The following DMWD variants were observed in gnomAD, a reference collection of about 807,000 sequenced individuals.
The protein encoded by DMWD is DM1 locus, WD repeat containing.
In DMWD, 19 loss-of-function variants were observed where a neutral mutation model predicts 45.8. That is an observed-to-expected ratio of 0.41 (90% CI 0.29 to 0.61). The LOEUF (loss-of-function observed/expected upper bound fraction) is 0.61, where lower values mean the gene tolerates loss of function less well. Ranked by LOEUF, DMWD falls within the 20% of genes least tolerant of loss-of-function variation. DMWD has a pLI of 0.25. For missense variants in DMWD, 802 were observed against 965.2 expected (o/e 0.83, Z 2.24); for synonymous variants, 515 against 440.5 (o/e 1.17, Z -2.12).
rs574601450 is a variant in DMWD at position 45,784,232 on chromosome 19, T to C, written c.*11A>G. 2 of 1,555,966 alleles carry C rather than the reference T, an allele frequency of 1.3e-6. No homozygotes were observed. The highest frequency in any genetic ancestry group is 2.3e-5 in the East Asian group (1 of 43,376). On this transcript the variant is annotated 3_prime_UTR_variant, in exon 5 of 5. Transcript: ENST00000270223. Reference sequence around the variant, plus strand: ...GGGGCATGGGGTTGGGGGGGCCCGATATCCATGGCTTCACACCACTGTGCC... The same window carrying C: ...GGGGCATGGGGTTGGGGGGGCCCGACATCCATGGCTTCACACCACTGTGCC...
In DMWD at chr19:45,785,843, C is replaced by A; in HGVS notation, c.1653G>T (p.Arg551=). ...CACTGCCACTGCCGCCACTGCCACCCCGGCTGATGTTGCCCAGGCTGTGGT... is the reference window on the plus strand; with the variant it reads ...CACTGCCACTGCCGCCACTGCCACCACGGCTGATGTTGCCCAGGCTGTGGT... ...KRYHSLGNIS[R]GGSGGSGSGG... The change falls in exon 3 of 5, where the codon CGG becomes CGT. Residue 551 remains arginine (R), a synonymous_variant. Transcript: ENST00000270223. 3.1e-6 allele frequency: 5 copies of A among 1,610,338 alleles called. No individual in the cohort carries two copies. The highest frequency in any genetic ancestry group is 4.2e-6 in the Non-Finnish European group (5 of 1,179,764).
chr19:45,788,983 C>G (rs1353760876), intron 2 of DMWD, among the ~76,000 whole-genome samples: 1 of 151,876 alleles, frequency 6.6e-6, no homozygotes, highest in Non-Finnish European at 1.5e-5. Context: ...CACCTGCCTC[C>G]TTCAGGTCTT....
chr19:45,785,501 G>A, intron 3 of DMWD, 93 bp downstream of exon 3: 2 of 1,416,360 alleles, frequency 1.4e-6, no homozygotes, highest in African/African-American at 1.5e-5. Flanking sequence ...GCCAGAGGCT[G>A]TGACAGCAAC....
chr19:45,784,339 C>T lies in DMWD; in HGVS notation c.1978-49G>A, dbSNP rs747789824. ...TGGGAGGGGTTAGAGACCACCTGGG[C>T]TTCAGCCAGTGTCAAGGGGAGGGAG... is the stretch of plus-strand genomic sequence containing the variant. On this transcript the variant is annotated intron_variant, in intron 4 of 4. Transcript: ENST00000270223. 5.6e-5 allele frequency: 83 copies of T among 1,489,094 alleles called. No individual in the cohort carries two copies. The Admixed American group carries it at 7.2e-4, about 13-fold the overall frequency. The allele number at this position is 1,489,094 out of a possible 1,614,324, so 92.2% of individuals were successfully genotyped here. A position where few individuals can be genotyped will look rare whatever the true frequency, so the allele number is the denominator to read the frequency against.
chr19:45,784,310 G>A lies in DMWD; in HGVS notation c.1978-20C>T. The A allele has an allele frequency of 2.0e-6, 3 of 1,506,446 alleles. No individual in the cohort carries two copies. Among genetic ancestry groups the A allele is most frequent in the Non-Finnish European group, 2.7e-6 (3 of 1,128,860 alleles). 93.3% of individuals were successfully genotyped at this position (1,506,446 alleles called of 1,614,324 possible). A position where few individuals can be genotyped will look rare whatever the true frequency, so the allele number is the denominator to read the frequency against. ...GATGCCCTGGGGAAGATGAGAGGGA[G>A]AGATGGGAGGGGTTAGAGACCACCT... On this transcript the variant is annotated intron_variant, in intron 4 of 4. Transcript: ENST00000270223.
intron 3 of DMWD, chr19:45,785,246 TTA>T (rs1970254627): frequency 9.4e-7 from 1 of 1,064,696 alleles, no homozygotes; most frequent in Admixed American, 5.3e-5. Context: ...GTTTCACGAT[TTA>T]AAAAACAGAT....
At chr19:45,789,476 A>T (rs1041043043) in intron 2 of DMWD, 2 of 152,240 alleles carry the variant, frequency 1.3e-5, no homozygotes, top group African/African-American at 2.4e-5. Flanking sequence ...GTATGATTCT[A>T]CAACAGCGGT....
intron 4 of DMWD, 45 bp downstream of exon 4, chr19:45,784,596 G>A: frequency 6.2e-7 from 1 of 1,613,774 alleles, no homozygotes. Flanking sequence ...TCTAACTTGG[G>A]AGGGACCCTG....
Position 45,785,500 on chromosome 19 carries a change from T to C in DMWD, c.1902+94A>G, listed in dbSNP as rs560498280. 8.5e-6 allele frequency: 12 copies of C among 1,416,324 alleles called. No homozygotes were observed. The Admixed American group carries it at 2.8e-4, about 33-fold the overall frequency. 87.7% of individuals were successfully genotyped at this position (1,416,324 alleles called of 1,614,324 possible). A position where few individuals can be genotyped will look rare whatever the true frequency, so the allele number is the denominator to read the frequency against. ...CCCCTCACCCCACGGAGCCAGAGGC[T>C]GTGACAGCAACAAAGCCCTCTCTCT... On this transcript the variant is annotated intron_variant, in intron 3 of 4. Transcript: ENST00000270223.
chr19:45,788,382 G>A (rs576529029), intron 2 of DMWD, among the ~76,000 whole-genome samples: 8 of 152,330 alleles, frequency 5.3e-5, no homozygotes, highest in South Asian at 2.1e-4. Context: ...CCATCCCTGG[G>A]AGAACTGAAC....
Position 45,783,498 on chromosome 19 carries a change from T to C in DMWD, c.*745A>G. 1 of 398,470 alleles carries C rather than the reference T, an allele frequency of 2.5e-6. No homozygotes were observed. Among genetic ancestry groups the C allele is most frequent in the Non-Finnish European group, 4.4e-6 (1 of 226,080 alleles). 24.7% of individuals were successfully genotyped at this position (398,470 alleles called of 1,614,324 possible). A position where few individuals can be genotyped will look rare whatever the true frequency, so the allele number is the denominator to read the frequency against. ...TGAGGGGCCCTGGCTGCGGGCAGGATGCTCTTCTCCCCAAGAGGGTCCTGC... is the reference window on the plus strand; with the variant it reads ...TGAGGGGCCCTGGCTGCGGGCAGGACGCTCTTCTCCCCAAGAGGGTCCTGC... On this transcript the variant is annotated 3_prime_UTR_variant, in exon 5 of 5. Transcript: ENST00000270223.
intron 2 of DMWD, chr19:45,787,099 G>A: frequency 1.4e-6 from 1 of 731,056 alleles, no homozygotes. Context: ...GTGGCCACAG[G>A]GTGCTCCAAG....
Position 45,786,198 on chromosome 19 carries a change from G to A in DMWD, c.1298C>T (p.Ser433Leu), listed in dbSNP as rs1830199540. ...GCAGAACTGCGTGTCCTGGCCCGCC[G>A]AGCCAAAGCGGTAAGTAATGGAGCC... ...KAGSITYRFG[S>L]AGQDTQFCLW... The change falls in exon 3 of 5, where the codon TCG (serine) becomes TTG (leucine). Residue 433 changes from serine to leucine, a missense_variant. Ser to Leu is a moderately radical substitution (Grantham distance 145). This residue lies in a region of DMWD where 9 missense variants were observed against 26.0 expected (regional missense o/e 0.35). Coordinates refer to ENST00000270223, the MANE Select transcript of DMWD (RefSeq NM_004943.2). 3.7e-6 allele frequency: 6 copies of A among 1,610,664 alleles called. No homozygotes were observed. The highest frequency in any genetic ancestry group is 2.2e-5 in the South Asian group (2 of 90,852).
intron 2 of DMWD, among the ~76,000 whole-genome samples, chr19:45,789,001 G>A (rs7246377): frequency 0.54 from 81,503 of 151,436 alleles, 22,621 homozygotes; most frequent in East Asian, 0.65. Context: ...CTTTATTTCA[G>A]TATCACCTCT....
At position 45,792,532 on chromosome 19, in the gene DMWD, G is replaced by T; in HGVS notation, c.225C>A (p.Gly75=). Residue 75 remains glycine, a synonymous_variant, in exon 1 of 5, where the codon GGC becomes GGA. Coordinates refer to ENST00000270223, the MANE Select transcript of DMWD (RefSeq NM_004943.2). ...PASASGPGAA[G]PASSPPPAGP... ...CTGCGGGCGGCGGGGACGACGCGGG[G>T]CCTGCAGCGCCGGGACCGGAGGCGG... 1 of 1,144,278 alleles carries T rather than the reference G, an allele frequency of 8.7e-7. No individual in the cohort carries two copies. The highest frequency in any genetic ancestry group is 1.1e-6 in the Non-Finnish European group (1 of 932,556). The allele number at this position is 1,144,278 out of a possible 1,614,324, so 70.9% of individuals were successfully genotyped here. A position where few individuals can be genotyped will look rare whatever the true frequency, so the allele number is the denominator to read the frequency against.
intron 2 of DMWD, among the ~76,000 whole-genome samples, chr19:45,787,819 G>C (rs946286382): frequency 6.6e-6 from 1 of 152,236 alleles, no homozygotes; most frequent in Non-Finnish European, 1.5e-5. Context: ...TGTAATCCCA[G>C]CACTTTGGGA....
chr19:45,791,806 C>A (rs1209140182), intron 1 of DMWD, among the ~76,000 whole-genome samples: 1 of 151,988 alleles, frequency 6.6e-6, no homozygotes, highest in Non-Finnish European at 1.5e-5. Context: ...ACTTCCAGAC[C>A]CCAATTTTCT....
At position 45,784,089 on chromosome 19, in the gene DMWD, C is replaced by A; in HGVS notation, c.*154G>T. The A allele has an allele frequency of 1.4e-6, 1 of 703,350 alleles. No homozygotes were observed. Among genetic ancestry groups the A allele is most frequent in the Non-Finnish European group, 2.5e-6 (1 of 394,646 alleles). 43.6% of individuals were successfully genotyped at this position (703,350 alleles called of 1,614,324 possible). ...TTACATCGCCCGTGTCCGGGCCAGTCTGGGGGGCCCCCAAATTTTGTGCAG... is the reference window on the plus strand; with the variant it reads ...TTACATCGCCCGTGTCCGGGCCAGTATGGGGGGCCCCCAAATTTTGTGCAG... On this transcript the variant is annotated 3_prime_UTR_variant, in exon 5 of 5. Coordinates refer to ENST00000270223, the MANE Select transcript of DMWD (RefSeq NM_004943.2).
rs376263992 is a variant in DMWD at position 45,786,730 on chromosome 19, G to A, written c.766C>T (p.Leu256=). The A allele has an allele frequency of 9.3e-6, 15 of 1,613,726 alleles. No individual in the cohort carries two copies. Among genetic ancestry groups the A allele is most frequent in the Non-Finnish European group, 1.3e-5 (15 of 1,179,678 alleles). ...PCASAPPQYS[L]LKQGEGFSVY... The stretch of plus-strand genomic sequence containing the variant: ...GAGAAGCCCTCGCCCTGCTTCAGCA[G>A]GCTGTACTGGGGCGGGGCCGAGGCG... The change falls in exon 3 of 5, where the codon CTG becomes TTG. Residue 256 remains leucine, a synonymous_variant. Coordinates refer to ENST00000270223, the MANE Select transcript of DMWD (RefSeq NM_004943.2).
Sources: gnomAD v4.1 joint callset for allele counts (sites outside exome capture counted in the v4.1 genomes callset) on GRCh38, gnomAD v4.1.1 for gene constraint, gnomAD v4.1.1 regional missense constraint, MANE v1.5 for transcripts, NCBI Gene and HGNC (gene_info 2026-07-23, HGNC 2026-07-21) for gene names.